FCHSD2: variants seen among roughly 807,000 people sequenced by gnomAD.
FCHSD2 encodes FCH and double SH3 domains 2.
Under a neutral mutation model 108.1 loss-of-function variants are expected in FCHSD2, and 38 were observed. That is an observed-to-expected ratio of 0.35 (90% CI 0.27 to 0.46). The LOEUF is 0.46. Ranked by LOEUF, FCHSD2 falls within the 20% of genes least tolerant of loss-of-function variation. The pLI, the probability that FCHSD2 is intolerant of heterozygous loss-of-function variation, is 1.00. For missense variants in FCHSD2, 751 were observed against 897.8 expected (o/e 0.84, Z 2.09); for synonymous variants, 279 against 314.7 (o/e 0.89, Z 1.20).
At chr11:72,849,114 T>A (rs1861220997) in intron 14 of FCHSD2, among the ~76,000 whole-genome samples, 1 of 152,168 alleles carries the variant, frequency 6.6e-6, no homozygotes, top group Non-Finnish European at 1.5e-5. Context: ...ACAGGTGGAT[T>A]CTCTCTCCAG....
intron 4 of FCHSD2, among the ~76,000 whole-genome samples, chr11:73,001,559 A>G (rs1269711739): frequency 6.6e-6 from 1 of 152,206 alleles, no homozygotes; most frequent in African/African-American, 2.4e-5. Flanking sequence ...TTTAGGTCAT[A>G]TAAGAAGAAG....
chr11:72,838,998 G>T, intron 19 of FCHSD2, 124 bp from the exon 20 acceptor site: 1 of 741,436 alleles, frequency 1.3e-6, no homozygotes, highest in South Asian at 1.7e-5. Flanking sequence ...GAAATGTTGT[G>T]AGCACGTGCT....
chr11:72,840,293 G>A lies in FCHSD2; in HGVS notation c.2139+584C>T, dbSNP rs564670288. 3.3e-5 allele frequency among the ~76,000 whole-genome samples: 5 copies of A among 152,316 alleles called. No individual in the cohort carries two copies. The South Asian group carries it at 1.0e-3, about 32-fold the overall frequency. On this transcript the variant is annotated intron_variant, in intron 19 of 19. Transcript: ENST00000409418. ...TGCTGAATGAATGAAGCCAAAAGAA[G>A]CCAGTGGTAAAGGAATGGTATCAAA...
At chr11:73,054,421 G>C (rs1858973436) in intron 3 of FCHSD2, among the ~76,000 whole-genome samples, 1 of 152,180 alleles carries the variant, frequency 6.6e-6, no homozygotes, top group East Asian at 1.9e-4. Flanking sequence ...GGTATTTCCT[G>C]TGATAGGGAA....
At chr11:73,040,660 T>C (rs1858613581) in intron 3 of FCHSD2, among the ~76,000 whole-genome samples, 1 of 152,246 alleles carries the variant, frequency 6.6e-6, no homozygotes, top group Non-Finnish European at 1.5e-5. Context: ...ACATATTCAA[T>C]ATGTAATGAT....
chr11:72,876,989 TAGAC>T (rs2135224736), intron 12 of FCHSD2, among the ~76,000 whole-genome samples: 1 of 151,984 alleles, frequency 6.6e-6, no homozygotes, highest in Non-Finnish European at 1.5e-5. Context: ...TTTTTTTTTT[TAGAC>T]AGGGTCTGGA....
chr11:72,927,173 G>A (rs1007870234), intron 8 of FCHSD2, among the ~76,000 whole-genome samples: 2 of 152,108 alleles, frequency 1.3e-5, no homozygotes. Context: ...CTTCAGATAC[G>A]AGCTGCCTTC....
intron 3 of FCHSD2, among the ~76,000 whole-genome samples, chr11:73,042,150 C>T (rs1858654920): frequency 6.6e-6 from 1 of 152,150 alleles, no homozygotes; most frequent in Non-Finnish European, 1.5e-5. Flanking sequence ...TGGTCTTCAA[C>T]TCCTGACTTC....
intron 3 of FCHSD2, among the ~76,000 whole-genome samples, chr11:73,069,766 T>C (rs888103992): frequency 3.9e-5 from 6 of 152,184 alleles, no homozygotes; most frequent in Admixed American, 1.3e-4. Context: ...CTTTCCAGAA[T>C]TGAAGAAAAG....
intron 8 of FCHSD2, among the ~76,000 whole-genome samples, chr11:72,964,388 C>T (rs1358766565): frequency 6.6e-6 from 1 of 152,134 alleles, no homozygotes; most frequent in Non-Finnish European, 1.5e-5. Flanking sequence ...TTTTAAGACC[C>T]AACACAAATG....
At chr11:73,137,465 A>ATAGC (rs1328657909) in intron 2 of FCHSD2, among the ~76,000 whole-genome samples, 4 of 152,322 alleles carry the variant, frequency 2.6e-5, no homozygotes, top group African/African-American at 9.6e-5. Context: ...AGAGGCCCCT[A>ATAGC]TAGCTCCCCT....
At chr11:73,104,856 C>T (rs1022913927) in intron 2 of FCHSD2, among the ~76,000 whole-genome samples, 6 of 152,138 alleles carry the variant, frequency 3.9e-5, no homozygotes, top group African/African-American at 1.4e-4. Context: ...CCGTGCCTGG[C>T]CAACTTTACT....
chr11:73,025,895 G>C (rs1304124118), intron 3 of FCHSD2, among the ~76,000 whole-genome samples: 3 of 152,048 alleles, frequency 2.0e-5, no homozygotes, highest in Non-Finnish European at 4.4e-5. Flanking sequence ...ATACCAGTAG[G>C]TATGTGTGGT....
At position 73,142,095 on chromosome 11, in the gene FCHSD2, G is replaced by C; in HGVS notation, c.-218C>G. On this transcript the variant is annotated 5_prime_UTR_variant, in exon 1 of 20. Transcript: ENST00000409418. ...GAGACGAGGGAGGAGCACCGGGAAGGCTTGGGGCCCGGGCGGCCCGGGCGG... is the reference window on the plus strand; with the variant it reads ...GAGACGAGGGAGGAGCACCGGGAAGCCTTGGGGCCCGGGCGGCCCGGGCGG... 2.1e-6 allele frequency: 1 copy of C among 474,924 alleles called. No individual in the cohort carries two copies. 29.4% of individuals were successfully genotyped at this position (474,924 alleles called of 1,614,324 possible). A position where few individuals can be genotyped will look rare whatever the true frequency, so the allele number is the denominator to read the frequency against.
At position 72,902,754 on chromosome 11, in the gene FCHSD2, T is replaced by G. The variant is rs890550609; in HGVS notation, c.829-116A>C. ...ATACAAATGAGAAATCATCCAACAC[T>G]GTGGTAAAAAAGAAATGGTGTTACG... On this transcript the variant is annotated intron_variant, in intron 9 of 19. Coordinates refer to ENST00000409418, the MANE Select transcript of FCHSD2 (RefSeq NM_014824.3). 4 of 612,952 alleles carry G rather than the reference T, an allele frequency of 6.5e-6. No homozygotes were observed. The Admixed American group carries it at 9.9e-5, about 15-fold the overall frequency. 38.0% of individuals were successfully genotyped at this position (612,952 alleles called of 1,614,324 possible). A position where few individuals can be genotyped will look rare whatever the true frequency, so the allele number is the denominator to read the frequency against.
At chr11:73,015,945 C>T (rs1857962087) in intron 3 of FCHSD2, 60 bp from the exon 4 acceptor site, 1 of 896,066 alleles carries the variant, frequency 1.1e-6, no homozygotes, top group Non-Finnish European at 1.7e-6. Flanking sequence ...AAGCTCTTTT[C>T]CTTAAAATAC....
rs1432017650 is a variant in FCHSD2 at position 72,984,176 on chromosome 11, T to C, written c.617A>G (p.His206Arg). The stretch of plus-strand genomic sequence containing the variant: ...GGTAAGAAGATAATCATTCCTTGCG[T>C]GGGTAGCTTTGGAATTACACTCAGA... The part of the protein sequence containing the change: ...RRSECNSKAT[H>R]ARNDYLLTLA... Residue 206 changes from histidine (H) to arginine (R), a missense_variant, in exon 8 of 20, where the codon CAC (histidine) becomes CGC (arginine). By Grantham distance (29) the His-to-Arg change is conservative (BLOSUM62 0). Coordinates refer to ENST00000409418, the MANE Select transcript of FCHSD2 (RefSeq NM_014824.3). The C allele has an allele frequency of 2.5e-6, 4 of 1,613,542 alleles. No homozygotes were observed. In the East Asian group the frequency reaches 8.9e-5, roughly 36 times the overall value.
chr11:73,141,752 C>A, intron 1 of FCHSD2, 105 bp downstream of exon 1: 2 of 1,219,402 alleles, frequency 1.6e-6, no homozygotes, highest in South Asian at 1.4e-5. Flanking sequence ...AAGACGAGGG[C>A]GGTCACGGCC....
intron 10 of FCHSD2, 83 bp downstream of exon 10, chr11:72,902,460 G>T: frequency 2.4e-6 from 2 of 837,546 alleles, no homozygotes; most frequent in Non-Finnish European, 3.8e-6. Context: ...AGCTTTTTCT[G>T]TCTGTCTATG....
Sources: gnomAD v4.1 joint callset for allele counts (sites outside exome capture counted in the v4.1 genomes callset) on GRCh38, gnomAD v4.1.1 for gene constraint, MANE v1.5 for transcripts, NCBI Gene and HGNC (gene_info 2026-07-23, HGNC 2026-07-21) for gene names.